CTNND2: variants seen among roughly 807,000 people sequenced by gnomAD.
CTNND2 encodes catenin delta 2.
Under a neutral mutation model 144.4 loss-of-function variants are expected in CTNND2, and 22 were observed. The ratio of observed to expected loss-of-function variants is 0.15; its 90% CI spans 0.11 to 0.22. CTNND2 has a LOEUF of 0.22. CTNND2 is among the 10% of genes least tolerant of loss of function. CTNND2 has a pLI of 1.00. For synonymous variants in CTNND2, 751 were observed against 695.6 expected (o/e 1.08, Z -1.25); for missense variants, 1,353 against 1,618.8 (o/e 0.84, Z 2.82).
intron 1 of CTNND2, among the ~76,000 whole-genome samples, chr5:11,738,006 T>C (rs932740966): frequency 6.6e-6 from 1 of 152,212 alleles, no homozygotes; most frequent in Non-Finnish European, 1.5e-5. Context: ...AGCTGACCAA[T>C]ACAAAAAGTG....
intron 9 of CTNND2, among the ~76,000 whole-genome samples, chr5:11,292,022 C>T (rs1331610937): frequency 6.6e-6 from 1 of 152,120 alleles, no homozygotes; most frequent in East Asian, 1.9e-4. Flanking sequence ...TCTAGCTCAA[C>T]TCATGGTAGC....
chr5:11,580,908 A>G (rs1412593205), intron 2 of CTNND2, among the ~76,000 whole-genome samples: 1 of 152,112 alleles, frequency 6.6e-6, no homozygotes, highest in Non-Finnish European at 1.5e-5. Context: ...AGGTTTCATC[A>G]TTGTTTTTAG....
intron 2 of CTNND2, among the ~76,000 whole-genome samples, chr5:11,602,240 A>G (rs1430680396): frequency 6.6e-6 from 1 of 152,124 alleles, no homozygotes; most frequent in Non-Finnish European, 1.5e-5. Flanking sequence ...CTTCAATATC[A>G]ATATAATCAT....
chr5:11,183,376 A>G (rs2149803797), intron 11 of CTNND2, among the ~76,000 whole-genome samples: 1 of 152,256 alleles, frequency 6.6e-6, no homozygotes, highest in African/African-American at 2.4e-5. Flanking sequence ...CTCCACCCAT[A>G]CGTGTCCTTA....
chr5:11,382,409 G>A (rs996104838), intron 7 of CTNND2, among the ~76,000 whole-genome samples: 2 of 152,116 alleles, frequency 1.3e-5, no homozygotes, highest in Admixed American at 1.3e-4. Context: ...GACTGGCCTG[G>A]CCCACATGGT....
intron 8 of CTNND2, among the ~76,000 whole-genome samples, chr5:11,351,658 C>G (rs1467586341): frequency 6.6e-6 from 1 of 151,880 alleles, no homozygotes; most frequent in Non-Finnish European, 1.5e-5. Flanking sequence ...GAATAAAATA[C>G]AAGAATCTGG....
chr5:11,597,719 G>A (rs1277424352), intron 2 of CTNND2, among the ~76,000 whole-genome samples: 2 of 151,996 alleles, frequency 1.3e-5, no homozygotes, highest in Non-Finnish European at 2.9e-5. Context: ...GACTACAGGT[G>A]TGGTCCACCA....
intron 3 of CTNND2, among the ~76,000 whole-genome samples, chr5:11,554,166 T>A (rs1776015255): frequency 6.6e-6 from 1 of 152,160 alleles, no homozygotes; most frequent in African/African-American, 2.4e-5. Context: ...AGAATTAATA[T>A]GAAGGTAATT....
chr5:11,269,865 G>A (rs1457830508), intron 9 of CTNND2, among the ~76,000 whole-genome samples: 1 of 152,124 alleles, frequency 6.6e-6, no homozygotes, highest in African/African-American at 2.4e-5. Flanking sequence ...CAGAAAGTTA[G>A]ATGCTTCTCT....
chr5:11,012,566 T>G (rs1183163067), intron 18 of CTNND2, among the ~76,000 whole-genome samples: 1 of 152,178 alleles, frequency 6.6e-6, no homozygotes, highest in African/African-American at 2.4e-5. Context: ...ATCGGAGGGC[T>G]ACTCATGGTG....
chr5:11,563,318 A>G (rs771732770), intron 3 of CTNND2, among the ~76,000 whole-genome samples: 1 of 152,258 alleles, frequency 6.6e-6, no homozygotes, highest in African/African-American at 2.4e-5. Context: ...CTCGACATCA[A>G]GTCAATGGTG....
intron 12 of CTNND2, among the ~76,000 whole-genome samples, chr5:11,145,685 T>G (rs1757172362): frequency 6.6e-6 from 1 of 152,142 alleles, no homozygotes; most frequent in Admixed American, 6.5e-5. Context: ...CTCCACCCTG[T>G]GGGAATGGCT....
Position 11,354,648 on chromosome 5 carries a change from T to C in CTNND2, c.1373-8021A>G, listed in dbSNP as rs533878802. 1.1e-3 allele frequency among the ~76,000 whole-genome samples: 160 copies of C among 151,560 alleles called. 1 individual carries two copies. Among genetic ancestry groups the C allele is most frequent in the African/African-American group, 3.8e-3 (156 of 41,518 alleles). ...TAGACCTAAAGGAAGAGATAGACTATAGAACAGTAGGGAACTTCAACCCCC... is the reference window on the plus strand; with the variant it reads ...TAGACCTAAAGGAAGAGATAGACTACAGAACAGTAGGGAACTTCAACCCCC... On this transcript the variant is annotated intron_variant, in intron 8 of 21. Coordinates refer to ENST00000304623, the MANE Select transcript of CTNND2 (RefSeq NM_001332.4).
At chr5:11,864,218 C>T (rs1272602482) in intron 1 of CTNND2, among the ~76,000 whole-genome samples, 1 of 151,838 alleles carries the variant, frequency 6.6e-6, no homozygotes, top group African/African-American at 2.4e-5. Context: ...CCTCCGCTGC[C>T]TGAAAAAAAG....
intron 2 of CTNND2, among the ~76,000 whole-genome samples, 199 bp from the exon 3 acceptor site, chr5:11,565,255 T>C (rs1234591923): frequency 6.6e-6 from 1 of 152,258 alleles, no homozygotes; most frequent in East Asian, 1.9e-4. Flanking sequence ...AGTTAATTCA[T>C]GTAAGTATCA....
intron 3 of CTNND2, among the ~76,000 whole-genome samples, chr5:11,492,348 G>A (rs1769477056): frequency 6.6e-6 from 1 of 152,156 alleles, no homozygotes; most frequent in Non-Finnish European, 1.5e-5. Context: ...CTTGGTACAA[G>A]GAAGGTTTTA....
rs1179419028 is a variant in CTNND2 at position 11,517,879 on chromosome 5, C to A, written c.287+47065G>T. On this transcript the variant is annotated intron_variant, in intron 3 of 21. Transcript: ENST00000304623. The stretch of plus-strand genomic sequence containing the variant: ...TTCAGCAAAGTTGAAGTACACGATG[C>A]AGTATTATTAACTATAGTCATCATG... 2.6e-5 allele frequency among the ~76,000 whole-genome samples: 4 copies of A among 152,106 alleles called. No homozygotes were observed. In the East Asian group the frequency reaches 7.7e-4, roughly 29 times the overall value.
At chr5:11,021,484 T>G (rs1472454688) in intron 17 of CTNND2, among the ~76,000 whole-genome samples, 1 of 152,194 alleles carries the variant, frequency 6.6e-6, no homozygotes, top group Non-Finnish European at 1.5e-5. Context: ...CCATATGGTT[T>G]CCTGCCTACG....
Position 11,024,300 on chromosome 5 carries a change from G to A in CTNND2, c.2789-1321C>T, listed in dbSNP as rs1248682486. On this transcript the variant is annotated intron_variant, in intron 16 of 21. Transcript: ENST00000304623. ...TTAAATTACTGAAATAGAAAAGTGT[G>A]TTCATTCACTTGATGATAGCTGAGG... Among the ~76,000 whole-genome samples the A allele has an allele frequency of 2.0e-5, 3 of 152,142 alleles. No individual in the cohort carries two copies. In the East Asian group the frequency reaches 5.8e-4, roughly 29 times the overall value.
Sources: allele counts gnomAD v4.1 joint callset (sites outside exome capture counted in the v4.1 genomes callset), GRCh38; gene constraint gnomAD v4.1.1; transcripts MANE v1.5; gene names NCBI Gene and HGNC (gene_info 2026-07-23, HGNC 2026-07-21).